Variants in WLS observed in about 807,000 individuals in gnomAD.
WLS encodes Wnt ligand secretion mediator.
WLS carries 23 observed loss-of-function variants against 62.8 expected under a neutral mutation model. The ratio of observed to expected loss-of-function variants is 0.37; its 90% confidence interval spans 0.26 to 0.52. The LOEUF (loss-of-function observed/expected upper bound fraction) is 0.52, where lower values mean the gene tolerates loss of function less well. Among genes scored for constraint, WLS ranks in the 20% least tolerant of loss-of-function variants. WLS has a pLI of 0.92. For synonymous variants in WLS, 246 were observed against 244.1 expected (o/e 1.01, Z -0.07); for missense variants, 615 against 697.3 (o/e 0.88, Z 1.33).
At chr1:68,169,748 T>G (rs1366036859) in intron 2 of WLS, among the ~76,000 whole-genome samples, 2 of 152,256 alleles carry the variant, frequency 1.3e-5, no homozygotes, top group Non-Finnish European at 1.5e-5. Flanking sequence ...CAGAAATGAT[T>G]TCTAAAACAC....
Position 68,232,200 on chromosome 1 carries a change from A to C in WLS, c.100T>G (p.Leu34Val). Residue 34 changes from leucine (L) to valine (V), a missense_variant, in exon 1 of 12, where the codon TTG becomes GTG. By Grantham distance (32) the Leu-to-Val change is conservative (BLOSUM62 1). Transcript: ENST00000262348. ...TGCAGCTCTCCGCACTTACCAATCA[A>C]GCCTCCCACCAGAAAGGCGATGATT... ...FQIIAFLVGG[L>V]IAPGPTTAVS... The C allele has an allele frequency of 6.2e-7, 1 of 1,614,106 alleles. No homozygotes were observed. Among genetic ancestry groups the C allele is most frequent in the Non-Finnish European group, 8.5e-7 (1 of 1,180,010 alleles).
chr1:68,168,414 C>T (rs1647094687), intron 2 of WLS, among the ~76,000 whole-genome samples: 1 of 152,212 alleles, frequency 6.6e-6, no homozygotes, highest in Admixed American at 6.5e-5. Flanking sequence ...GAATAAGTCT[C>T]AGTTTCCACC....
intron 11 of WLS, among the ~76,000 whole-genome samples, chr1:68,106,148 G>A (rs1468499146): frequency 6.6e-6 from 1 of 152,132 alleles, no homozygotes; most frequent in African/African-American, 2.4e-5. Context: ...CCATAGCAAT[G>A]CTCTATATTT....
At chr1:68,170,714 C>A (rs1007970521) in intron 2 of WLS, among the ~76,000 whole-genome samples, 1 of 151,944 alleles carries the variant, frequency 6.6e-6, no homozygotes, top group Non-Finnish European at 1.5e-5. Flanking sequence ...TATGGCACCC[C>A]CCCCTTGCTC....
At chr1:68,232,029 T>A (rs1168907393) in intron 1 of WLS, among the ~76,000 whole-genome samples, 165 bp downstream of exon 1, 1 of 152,026 alleles carries the variant, frequency 6.6e-6, no homozygotes, top group African/African-American at 2.4e-5. Flanking sequence ...GACTGGATTG[T>A]GCCCCACGGA....
intron 11 of WLS, 121 bp from the exon 12 acceptor site, chr1:68,126,456 C>G: frequency 7.8e-7 from 1 of 1,287,470 alleles, no homozygotes; most frequent in Non-Finnish European, 1.1e-6. Context: ...CACAGAGACA[C>G]CTAGGGCACA....
intron 11 of WLS, among the ~76,000 whole-genome samples, chr1:68,107,157 A>G (rs1646158856): frequency 6.6e-6 from 1 of 152,182 alleles, no homozygotes; most frequent in Non-Finnish European, 1.5e-5. Context: ...CTATATTTTT[A>G]GTCAGCTCTT....
intron 2 of WLS, chr1:68,183,577 T>C (rs527987147): frequency 3.8e-6 from 2 of 533,022 alleles, no homozygotes; most frequent in South Asian, 2.8e-5. Context: ...TTGACTTTCA[T>C]CCTTCTACAA....
In WLS at chr1:68,158,904, T is replaced by C. The variant is rs112094876; in HGVS notation, c.504+219A>G. On this transcript the variant is annotated intron_variant, in intron 3 of 11. Transcript: ENST00000262348. ...GGTACTCAGAGGCTTCAACCTCATGTTTTTACTATTTTGCAGGAAATCTTA... is the reference window on the plus strand; with the variant it reads ...GGTACTCAGAGGCTTCAACCTCATGCTTTTACTATTTTGCAGGAAATCTTA... Among the ~76,000 whole-genome samples, 21 of 152,312 alleles carry C rather than the reference T, an allele frequency of 1.4e-4. No individual in the cohort carries two copies. In the East Asian group the frequency reaches 2.3e-3, roughly 17 times the overall value.
intron 2 of WLS, among the ~76,000 whole-genome samples, chr1:68,191,058 C>A (rs1648270827): frequency 5.3e-5 from 7 of 131,294 alleles, no homozygotes; most frequent in Admixed American, 1.5e-4. Context: ...AACTCAGACT[C>A]AAAAAAAAAA....
At chr1:68,213,794 G>T (rs1649618014) in intron 1 of WLS, among the ~76,000 whole-genome samples, 1 of 152,112 alleles carries the variant, frequency 6.6e-6, no homozygotes, top group Non-Finnish European at 1.5e-5. Flanking sequence ...AGTTGCTGGA[G>T]GGCAAAATCC....
At chr1:68,203,696 G>A (rs542512528) in intron 1 of WLS, among the ~76,000 whole-genome samples, 2 of 152,284 alleles carry the variant, frequency 1.3e-5, no homozygotes, top group South Asian at 2.1e-4. Flanking sequence ...GGAACACAGC[G>A]CTGCCATGGA....
At chr1:68,154,975 C>A in intron 4 of WLS, 124 bp downstream of exon 4, 1 of 1,060,650 alleles carries the variant, frequency 9.4e-7, no homozygotes, top group South Asian at 1.7e-5. Context: ...ACTTTATGAT[C>A]TCAGCCATCA....
intron 8 of WLS, 55 bp downstream of exon 8, chr1:68,148,081 G>A (rs973732545): frequency 6.3e-7 from 1 of 1,587,158 alleles, no homozygotes; most frequent in Non-Finnish European, 8.6e-7. Flanking sequence ...AATGATCTTG[G>A]GGACTGGGTG....
At chr1:68,230,438 A>G (rs1298794669) in intron 1 of WLS, among the ~76,000 whole-genome samples, 2 of 152,116 alleles carry the variant, frequency 1.3e-5, no homozygotes, top group African/African-American at 2.4e-5. Context: ...ACCGCTGCAT[A>G]ATCACTGTGA....
chr1:68,186,715 A>C (rs926785689), intron 2 of WLS: 1 of 454,758 alleles, frequency 2.2e-6, no homozygotes, highest in Non-Finnish European at 4.4e-6. Context: ...TGCATTCTTA[A>C]TACCAAAATC....
rs1322134794 is a variant in WLS at position 68,126,226 on chromosome 1, C to T, written c.1626G>A (p.Ter542=). ...YKLTRKEAQE[*] ...CGTCCCAGCCGGGCGCTGCAGCCTC[C>T]TACTCCTGGGCCTCCTTGCGGGTCA... The change falls in exon 12 of 12, where the codon TAG becomes TAA. Residue 542 remains the stop codon, a stop_retained_variant. Transcript: ENST00000262348. 2 of 1,614,128 alleles carry T rather than the reference C, an allele frequency of 1.2e-6. No homozygotes were observed. The highest frequency in any genetic ancestry group is 3.3e-5 in the Admixed American group (2 of 60,026).
intron 1 of WLS, among the ~76,000 whole-genome samples, chr1:68,218,675 T>C (rs1246656875): frequency 6.6e-6 from 1 of 152,150 alleles, no homozygotes; most frequent in Admixed American, 6.5e-5. Flanking sequence ...CTGGCTCTAC[T>C]TGCAAGTCAC....
At chr1:68,108,025 C>G (rs1350672190) in intron 11 of WLS, among the ~76,000 whole-genome samples, 1 of 152,160 alleles carries the variant, frequency 6.6e-6, no homozygotes, top group Non-Finnish European at 1.5e-5. Context: ...TGCTCACAGT[C>G]TTGAATCAAT....
Sources: allele counts gnomAD v4.1 joint callset (sites outside exome capture counted in the v4.1 genomes callset), GRCh38; gene constraint gnomAD v4.1.1; transcripts MANE v1.5; gene names NCBI Gene and HGNC (gene_info 2026-07-23, HGNC 2026-07-21).